DTNB: variants seen among roughly 807,000 people sequenced by gnomAD.
DTNB encodes dystrobrevin beta, also known as DTN-B.
Under a neutral mutation model 90.7 loss-of-function variants are expected in DTNB, and 63 were observed. The ratio of observed to expected loss-of-function variants is 0.69; its 90% CI spans 0.57 to 0.86. The LOEUF is 0.86. Ranked by LOEUF, DTNB falls within the 40% of genes least tolerant of loss-of-function variation. DTNB has a pLI of 0.00. For missense variants in DTNB, 744 were observed against 807.1 expected, an observed-to-expected ratio of 0.92 and a Z score of 0.95; for synonymous variants, 277 against 286.7, an observed-to-expected ratio of 0.97 and a Z score of 0.34.
chr2:25,476,799 A>C (rs968533591), intron 10 of DTNB, among the ~76,000 whole-genome samples: 1 of 152,260 alleles, frequency 6.6e-6, no homozygotes, highest in Non-Finnish European at 1.5e-5. Context: ...GATGCTGTGA[A>C]CATCACTGAA....
chr2:25,561,882 A>G (rs1042602320), intron 8 of DTNB, among the ~76,000 whole-genome samples: 1 of 152,228 alleles, frequency 6.6e-6, no homozygotes, highest in African/African-American at 2.4e-5. Context: ...GTATTCCTTT[A>G]TAGTAATGCA....
intron 8 of DTNB, among the ~76,000 whole-genome samples, chr2:25,539,318 T>A (rs180931418): frequency 6.6e-6 from 1 of 152,352 alleles, no homozygotes; most frequent in Non-Finnish European, 1.5e-5. Flanking sequence ...CCAATTTGTT[T>A]TTACAAAGTG....
In DTNB at chr2:25,596,168, AC is replaced by A. The variant is rs2064586081; in HGVS notation, c.520del (p.Val174PhefsTer2). ...AAAGACAGCTGTTGGGAGCTTCAGA[AC>A]TTCCTTCAGAAACTGGTCAAACTTG... ...FSKFDQFLKE[V>X]LKLPTAVFEG... On this transcript the variant is annotated frameshift_variant, in exon 6 of 21. Coordinates refer to ENST00000406818, the MANE Select transcript of DTNB (RefSeq NM_021907.5). LOFTEE classifies it high-confidence loss of function. 20 of 1,613,712 alleles carry A rather than the reference AC, an allele frequency of 1.2e-5. No homozygotes were observed. In the East Asian group the frequency reaches 4.5e-4, roughly 36 times the overall value.
intron 10 of DTNB, among the ~76,000 whole-genome samples, chr2:25,468,381 A>G (rs1198104277): frequency 6.6e-6 from 1 of 152,192 alleles, no homozygotes; most frequent in Non-Finnish European, 1.5e-5. Flanking sequence ...TAACAGGACC[A>G]TTCCAGGCTG....
chr2:25,598,758 T>C (rs894031542), intron 5 of DTNB: 4 of 151,298 alleles, frequency 2.6e-5, no homozygotes, highest in African/African-American at 7.3e-5. Flanking sequence ...TAAAGAAGAG[T>C]AGGATAAAAG....
At chr2:25,541,209 T>C (rs1040695133) in intron 8 of DTNB, among the ~76,000 whole-genome samples, 4 of 152,192 alleles carry the variant, frequency 2.6e-5, no homozygotes, top group African/African-American at 9.7e-5. Flanking sequence ...CCAGGCACAG[T>C]GGCTCACGCC....
At chr2:25,531,759 AGTT>A (rs1321930298) in intron 8 of DTNB, among the ~76,000 whole-genome samples, 162 bp from the exon 9 acceptor site, 2 of 152,230 alleles carry the variant, frequency 1.3e-5, no homozygotes, top group Non-Finnish European at 2.9e-5. Context: ...AGGAACCTCC[AGTT>A]GTTCCAAGGT....
intron 4 of DTNB, among the ~76,000 whole-genome samples, chr2:25,608,388 T>C (rs2067623504): frequency 6.6e-6 from 1 of 152,174 alleles, no homozygotes; most frequent in Non-Finnish European, 1.5e-5. Flanking sequence ...CACCAGGAAA[T>C]ATCAATATTT....
At chr2:25,642,049 T>G (rs1053070440) in intron 2 of DTNB, among the ~76,000 whole-genome samples, 17 of 152,164 alleles carry the variant, frequency 1.1e-4, no homozygotes, top group South Asian at 4.1e-4. Flanking sequence ...CTCGATCTCC[T>G]GACCTCATGA....
chr2:25,469,369 GA>G (rs1470853009), intron 10 of DTNB, among the ~76,000 whole-genome samples: 1 of 152,154 alleles, frequency 6.6e-6, no homozygotes, highest in Non-Finnish European at 1.5e-5. Context: ...AAGAGTAGGG[GA>G]GAGCATTGGA....
intron 12 of DTNB, 132 bp from the exon 13 acceptor site, chr2:25,434,127 T>C (rs1481330774): frequency 1.1e-5 from 8 of 741,946 alleles, no homozygotes; most frequent in Non-Finnish European, 2.2e-6. Flanking sequence ...GTTTTAAGTA[T>C]ACAATTCAAT....
intron 12 of DTNB, among the ~76,000 whole-genome samples, chr2:25,441,624 G>A (rs1426196067): frequency 1.3e-5 from 2 of 152,178 alleles, no homozygotes; most frequent in Non-Finnish European, 2.9e-5. Context: ...CCTTCATGGA[G>A]CTCTCATGCC....
chr2:25,524,306 T>A (rs942151700), intron 9 of DTNB, among the ~76,000 whole-genome samples: 5 of 150,564 alleles, frequency 3.3e-5, no homozygotes, highest in Non-Finnish European at 5.9e-5. Context: ...ACATAGAAAC[T>A]CAAAGTTGAA....
chr2:25,493,885 A>C (rs2068144532), intron 9 of DTNB, among the ~76,000 whole-genome samples: 1 of 152,236 alleles, frequency 6.6e-6, no homozygotes. Context: ...CAATATTTAG[A>C]TCAAATCCTA....
intron 9 of DTNB, among the ~76,000 whole-genome samples, chr2:25,499,165 C>A (rs1015850676): frequency 6.7e-6 from 1 of 148,688 alleles, no homozygotes; most frequent in East Asian, 2.0e-4. Context: ...CGCACTCAGT[C>A]GAGATCGTGT....
At chr2:25,453,314 A>G (rs542996670) in intron 11 of DTNB, among the ~76,000 whole-genome samples, 26 of 152,344 alleles carry the variant, frequency 1.7e-4, no homozygotes, top group Middle Eastern at 3.4e-3. Flanking sequence ...GCTTGTGTTG[A>G]TGAGAGGTTT....
At chr2:25,568,931 C>T (rs961981506) in intron 8 of DTNB, among the ~76,000 whole-genome samples, 1 of 152,234 alleles carries the variant, frequency 6.6e-6, no homozygotes, top group Admixed American at 6.5e-5. Context: ...AAGGCCTGTG[C>T]CTCGGCCATG....
chr2:25,581,458 A>C (rs1391467421), intron 6 of DTNB, among the ~76,000 whole-genome samples: 1 of 152,248 alleles, frequency 6.6e-6, no homozygotes, highest in Non-Finnish European at 1.5e-5. Flanking sequence ...ATGAGATTGG[A>C]ACCTACATGT....
At chr2:25,562,039 A>G (rs770421882) in intron 8 of DTNB, among the ~76,000 whole-genome samples, 5 of 152,128 alleles carry the variant, frequency 3.3e-5, no homozygotes, top group Non-Finnish European at 5.9e-5. Flanking sequence ...AAGAAACCCA[A>G]TACTCAGCAG....
Sources: gnomAD v4.1 joint callset for allele counts (sites outside exome capture counted in the v4.1 genomes callset) on GRCh38, gnomAD v4.1.1 for gene constraint, MANE v1.5 for transcripts, NCBI Gene and HGNC (gene_info 2026-07-23, HGNC 2026-07-21) for gene names.